AMN1: variants seen among roughly 807,000 people sequenced by gnomAD.
AMN1 encodes the protein protein AMN1 homolog.
Under a neutral mutation model 33.0 loss-of-function variants are expected in AMN1, and 20 were observed. The observed-to-expected ratio is 0.61, with a 90% CI of 0.43 to 0.88. AMN1 has a LOEUF of 0.88. Among genes scored for constraint, AMN1 ranks in the 40% least tolerant of loss-of-function variants. AMN1 has a pLI of 0.00. For synonymous variants in AMN1, 114 were observed against 111.9 expected, an observed-to-expected ratio of 1.02 and a Z score of -0.12; for missense variants, 246 against 307.4, an observed-to-expected ratio of 0.80 and a Z score of 1.49.
intron 5 of AMN1, among the ~76,000 whole-genome samples, chr12:31,689,796 G>C (rs1014321852): frequency 2.6e-5 from 4 of 152,056 alleles, no homozygotes; most frequent in African/African-American, 7.2e-5. Flanking sequence ...GGGAACAGGT[G>C]GTATTTGGTT....
chr12:31,728,977 A>G lies in AMN1; in HGVS notation c.32T>C (p.Leu11Pro). 6.5e-7 allele frequency: 1 copy of G among 1,546,618 alleles called. No homozygotes were observed. Among genetic ancestry groups the G allele is most frequent in the Non-Finnish European group, 8.7e-7 (1 of 1,143,906 alleles). ...CGGGACAGGGTAGACTCACAGATCC[A>G]GGAGCTGACTGACCCGCCGTGGGCG... MPRPRRVSQLLDLCLWCFMKN... is the reference protein window; with the variant it reads MPRPRRVSQLPDLCLWCFMKN... Residue 11 changes from leucine to proline, a missense_variant, in exon 1 of 7, where the codon CTG (leucine) becomes CCG (proline). Coordinates refer to ENST00000281471, the MANE Select transcript of AMN1 (RefSeq NM_001113402.2).
chr12:31,684,071 A>G (rs1938146396), intron 6 of AMN1, among the ~76,000 whole-genome samples: 1 of 152,232 alleles, frequency 6.6e-6, no homozygotes, highest in Non-Finnish European at 1.5e-5. Context: ...TAAAAGATCT[A>G]TATAACTCAG....
chr12:31,728,936 G>A (rs779086103), intron 1 of AMN1, 35 bp downstream of exon 1: 4 of 1,539,160 alleles, frequency 2.6e-6, no homozygotes, highest in South Asian at 2.4e-5. Flanking sequence ...AGGTGCTGGG[G>A]CGGCGCGAAG....
At chr12:31,726,687 G>C (rs576221456) in intron 1 of AMN1, among the ~76,000 whole-genome samples, 1 of 152,314 alleles carries the variant, frequency 6.6e-6, no homozygotes, top group Non-Finnish European at 1.5e-5. Flanking sequence ...TCTGGCTCAA[G>C]CTTCTTACTT....
intron 5 of AMN1, 26 bp from the exon 6 acceptor site, chr12:31,689,144 T>C (rs1445320224): frequency 3.4e-6 from 5 of 1,486,052 alleles, no homozygotes; most frequent in Middle Eastern, 1.7e-4. Context: ...GAAAATAAAG[T>C]CAAATGAAAA....
At chr12:31,675,797 G>C (rs541657388) in intron 6 of AMN1, among the ~76,000 whole-genome samples, 1 of 151,622 alleles carries the variant, frequency 6.6e-6, no homozygotes, top group Non-Finnish European at 1.5e-5. Context: ...GTGAGCCACC[G>C]TTACCCGCCA....
At chr12:31,675,243 C>A (rs1298075511) in intron 6 of AMN1, among the ~76,000 whole-genome samples, 2 of 151,556 alleles carry the variant, frequency 1.3e-5, no homozygotes, top group Non-Finnish European at 2.9e-5. Context: ...TATAGTGAGA[C>A]CCTGTCTCTG....
At chr12:31,673,498 A>C in intron 6 of AMN1, 1 of 230,996 alleles carries the variant, frequency 4.3e-6, no homozygotes, top group Non-Finnish European at 8.9e-6. Flanking sequence ...AGGAAATCTC[A>C]ATCAAAGATA....
intron 1 of AMN1, among the ~76,000 whole-genome samples, chr12:31,727,295 A>G (rs759664167): frequency 6.6e-6 from 1 of 152,172 alleles, no homozygotes; most frequent in Non-Finnish European, 1.5e-5. Context: ...ATTTTGTAAC[A>G]GTCTTCTAAG....
At chr12:31,672,972 A>G (rs1378204176) in intron 6 of AMN1, 1 of 152,308 alleles carries the variant, frequency 6.6e-6, no homozygotes, top group Non-Finnish European at 1.5e-5. Flanking sequence ...ATATAAATAC[A>G]CTGTAATTTA....
intron 5 of AMN1, among the ~76,000 whole-genome samples, chr12:31,697,045 AAAT>A (rs1374033796): frequency 6.6e-6 from 1 of 152,292 alleles, no homozygotes; most frequent in African/African-American, 2.4e-5. Context: ...ATCCTATTAT[AAAT>A]AATATCACTT....
At chr12:31,710,674 T>A (rs1939431949) in intron 1 of AMN1, among the ~76,000 whole-genome samples, 1 of 152,120 alleles carries the variant, frequency 6.6e-6, no homozygotes, top group Non-Finnish European at 1.5e-5. Flanking sequence ...TCATTCAGTA[T>A]CTTATGAAAT....
At chr12:31,713,125 G>GT (rs759525669) in intron 1 of AMN1, among the ~76,000 whole-genome samples, 15 of 152,004 alleles carry the variant, frequency 9.9e-5, no homozygotes, top group Non-Finnish European at 1.6e-4. Context: ...TGACAAATTT[G>GT]TAAGAGCTCT....
intron 6 of AMN1, among the ~76,000 whole-genome samples, chr12:31,677,055 T>C (rs1937748303): frequency 1.3e-5 from 2 of 151,072 alleles, no homozygotes; most frequent in Admixed American, 6.6e-5. Flanking sequence ...TCCCAGCACT[T>C]TGGGAGGACG....
At position 31,697,815 on chromosome 12, in the gene AMN1, A is replaced by G; in HGVS notation, c.459T>C (p.Ser153=). The change falls in exon 4 of 7, where the codon AGT becomes AGC. Residue 153 remains serine, a synonymous_variant. Coordinates refer to ENST00000281471, the MANE Select transcript of AMN1 (RefSeq NM_001113402.2). ...ATGCATGTAAGGACACATCAGTAAT[A>G]CTTAAGCAGCCACCTAAATCGATGA... ...LKIIDLGGCL[S]ITDVSLHALG... is the part of the protein sequence containing the mutation. The G allele has an allele frequency of 6.2e-7, 1 of 1,614,036 alleles. No individual in the cohort carries two copies. The highest frequency in any genetic ancestry group is 1.1e-5 in the South Asian group (1 of 91,090).
chr12:31,698,155 A>G (rs1174808375), intron 3 of AMN1, among the ~76,000 whole-genome samples, 198 bp from the exon 4 acceptor site: 1 of 152,224 alleles, frequency 6.6e-6, no homozygotes, highest in Non-Finnish European at 1.5e-5. Context: ...GGAATTCTCT[A>G]CACAGTCTGT....
chr12:31,728,874 G>C, intron 1 of AMN1, 97 bp downstream of exon 1: 1 of 1,365,216 alleles, frequency 7.3e-7, no homozygotes, highest in Non-Finnish European at 1.0e-6. Flanking sequence ...CGGCGGGGGG[G>C]GTGGGAAAGG....
rs146344772 is a variant in AMN1 at position 31,720,303 on chromosome 12, A to G, written c.38+8668T>C. The stretch of plus-strand genomic sequence containing the variant: ...CACCTGTAATCCCAGTACTTTGGGA[A>G]GCTGAGGCATGTGGATCATCTGAGG... On this transcript the variant is annotated intron_variant, in intron 1 of 6. Coordinates refer to ENST00000281471, the MANE Select transcript of AMN1 (RefSeq NM_001113402.2). 9.8e-3 allele frequency among the ~76,000 whole-genome samples: 1,484 copies of G among 152,074 alleles called. 23 individuals are homozygous for G. Among genetic ancestry groups the G allele is most frequent in the African/African-American group, 0.031 (1,293 of 41,490 alleles).
At position 31,672,220 on chromosome 12, in the gene AMN1, A is replaced by T; in HGVS notation, c.*84T>A. On this transcript the variant is annotated 3_prime_UTR_variant, in exon 7 of 7. Coordinates refer to ENST00000281471, the MANE Select transcript of AMN1 (RefSeq NM_001113402.2). ...ATAATTAAAAATAGTGTTAACATTA[A>T]GTAGAATGCAAATCTCTATAGATGG... is the stretch of plus-strand genomic sequence containing the variant. 1.2e-6 allele frequency: 1 copy of T among 866,048 alleles called. No individual in the cohort carries two copies. The highest frequency in any genetic ancestry group is 1.7e-5 in the African/African-American group (1 of 58,998). The allele number at this position is 866,048 out of a possible 1,614,324, so 53.6% of individuals were successfully genotyped here.
Sources: gnomAD v4.1 joint callset for allele counts (sites outside exome capture counted in the v4.1 genomes callset) on GRCh38, gnomAD v4.1.1 for gene constraint, MANE v1.5 for transcripts, NCBI Gene and HGNC (gene_info 2026-07-23, HGNC 2026-07-21) for gene names.